Variants in FMN2 observed in about 807,000 individuals in gnomAD.
The protein encoded by FMN2 is formin-2.
A neutral mutation model predicts 142.3 loss-of-function variants in FMN2; 51 were observed. The ratio of observed to expected loss-of-function variants is 0.36; its 90% CI spans 0.29 to 0.45. The LOEUF (loss-of-function observed/expected upper bound fraction) is 0.45. Ranked by LOEUF, FMN2 falls within the 20% of genes least tolerant of loss-of-function variation. The probability of loss-of-function intolerance (pLI) is 1.00; values close to 1 mark genes in which losing one functional copy is unlikely to be tolerated. For synonymous variants in FMN2, 882 were observed against 869.8 expected, an observed-to-expected ratio of 1.01 and a Z score of -0.25; for missense variants, 1,936 against 2,122.8, an observed-to-expected ratio of 0.91 and a Z score of 1.73.
chr1:240,143,234 T>G, intron 2 of FMN2: 1 of 1,588,842 alleles, frequency 6.3e-7, no homozygotes, highest in South Asian at 1.1e-5. Context: ...TATAGGAAAC[T>G]TCTGGATCAG....
intron 8 of FMN2, among the ~76,000 whole-genome samples, chr1:240,305,459 A>G (rs1349399258): frequency 6.6e-6 from 1 of 152,240 alleles, no homozygotes; most frequent in Non-Finnish European, 1.5e-5. Flanking sequence ...AACATGTTGC[A>G]TAATCAAACA....
intron 6 of FMN2, among the ~76,000 whole-genome samples, chr1:240,255,165 G>A (rs955288977): frequency 3.3e-5 from 5 of 152,274 alleles, no homozygotes; most frequent in Middle Eastern, 3.4e-3. Context: ...GCTCCCAGCC[G>A]ATCCTGGCTG....
chr1:240,138,642 G>A (rs919179125), intron 2 of FMN2, among the ~76,000 whole-genome samples: 25 of 152,102 alleles, frequency 1.6e-4, no homozygotes, highest in Admixed American at 2.0e-4. Flanking sequence ...AGGAGCTGGC[G>A]GTTGCAGTGA....
At chr1:240,452,772 T>A (rs1676105560) in intron 16 of FMN2, among the ~76,000 whole-genome samples, 1 of 152,210 alleles carries the variant, frequency 6.6e-6, no homozygotes, top group Admixed American at 6.5e-5. Context: ...GATAACTCAG[T>A]AGCTTTCATT....
chr1:240,140,493 G>A (rs553519682), intron 2 of FMN2, among the ~76,000 whole-genome samples: 2 of 152,242 alleles, frequency 1.3e-5, no homozygotes, highest in African/African-American at 4.8e-5. Context: ...ACAGATCCAC[G>A]CAGGTTGGAA....
intron 8 of FMN2, among the ~76,000 whole-genome samples, chr1:240,296,667 G>A (rs1319477928): frequency 1.4e-5 from 2 of 141,704 alleles, no homozygotes; most frequent in African/African-American, 5.2e-5. Flanking sequence ...CCACTCTTGA[G>A]TTTGGTTTTT....
intron 15 of FMN2, among the ~76,000 whole-genome samples, chr1:240,437,458 G>A (rs1468092754): frequency 6.6e-6 from 1 of 151,840 alleles, no homozygotes; most frequent in African/African-American, 2.4e-5. Context: ...ACCATGCCCG[G>A]CTAATTTTTT....
At chr1:240,245,437 T>C (rs949134812) in intron 6 of FMN2, 3 of 457,014 alleles carry the variant, frequency 6.6e-6, no homozygotes, top group African/African-American at 4.0e-5. Context: ...TCAGTGGAAC[T>C]TGATGTGTGG....
At chr1:240,411,113 A>AGAT (rs1419487126) in intron 15 of FMN2, among the ~76,000 whole-genome samples, 1 of 152,216 alleles carries the variant, frequency 6.6e-6, no homozygotes, top group Non-Finnish European at 1.5e-5. Context: ...GTTGTCTAGA[A>AGAT]GATATACAAT....
intron 6 of FMN2, among the ~76,000 whole-genome samples, chr1:240,218,445 T>G (rs1338316935): frequency 6.6e-6 from 1 of 152,034 alleles, no homozygotes; most frequent in Admixed American, 6.6e-5. Context: ...CGCAGTGGCA[T>G]GTACCTGTAG....
intron 5 of FMN2, among the ~76,000 whole-genome samples, chr1:240,210,770 A>C (rs181685845): frequency 6.0e-4 from 92 of 152,298 alleles, no homozygotes; most frequent in African/African-American, 2.1e-3. Context: ...TTGAGAGATC[A>C]GACATTTCTT....
intron 2 of FMN2, chr1:240,145,274 C>T (rs548539432): frequency 2.8e-5 from 40 of 1,438,768 alleles, no homozygotes; most frequent in Non-Finnish European, 3.0e-5. Context: ...CCCGGCATCC[C>T]GCCGCTCCTT....
At chr1:240,385,193 T>C (rs550759838) in intron 14 of FMN2, among the ~76,000 whole-genome samples, 5 of 152,286 alleles carry the variant, frequency 3.3e-5, no homozygotes, top group African/African-American at 1.2e-4. Flanking sequence ...TCCAGCAGTT[T>C]TGTGTTTTGA....
intron 2 of FMN2, among the ~76,000 whole-genome samples, chr1:240,153,011 T>C (rs1663850112): frequency 6.6e-6 from 1 of 152,192 alleles, no homozygotes; most frequent in South Asian, 2.1e-4. Context: ...TAGAAGAGTT[T>C]TGGTGAGGAT....
intron 4 of FMN2, among the ~76,000 whole-genome samples, chr1:240,195,789 G>A (rs12747809): frequency 0.64 from 97,900 of 151,954 alleles, 31,938 homozygotes; most frequent in Middle Eastern, 0.74. Context: ...AGGCTGAGGT[G>A]GGAGGATCAC....
In FMN2 at chr1:240,148,407, CAG is replaced by C. The variant is rs549748702; in HGVS notation, c.1782+25066_1782+25067del. On this transcript the variant is annotated intron_variant, in intron 2 of 17. Coordinates refer to ENST00000319653, the MANE Select transcript of FMN2 (RefSeq NM_020066.5). ...AAAGACAGAGAGAAAGACAGAGAGA[CAG>C]AGACAGACAGGAAAGATACAGAAAG... 7.5e-5 allele frequency among the ~76,000 whole-genome samples: 11 copies of C among 147,336 alleles called. No homozygotes were observed. In the East Asian group the frequency reaches 1.0e-3, roughly 13 times the overall value.
intron 15 of FMN2, among the ~76,000 whole-genome samples, chr1:240,434,015 G>C (rs1675269841): frequency 6.6e-6 from 1 of 152,162 alleles, no homozygotes; most frequent in Admixed American, 6.5e-5. Context: ...CCATTGCAGA[G>C]AAGTATATTT....
In FMN2 at chr1:240,093,091, G is replaced by T; in HGVS notation, c.982G>T (p.Ala328Ser). ...PSSTAFPFPE[A>S]GPGEEAAGAP... is the part of the protein sequence containing the mutation. The stretch of plus-strand genomic sequence containing the variant: ...CTCCACGGCTTTCCCATTTCCCGAG[G>T]CCGGGCCGGGGGAGGAAGCGGCCGG... Residue 328 changes from alanine to serine, a missense_variant, in exon 1 of 18, where the codon GCC (alanine) becomes TCC (serine). Physicochemically the swap from Ala to Ser is moderately conservative, Grantham distance 99. This residue lies in a region of FMN2 where 751 missense variants were observed against 791.8 expected (regional missense o/e 0.95). Coordinates refer to ENST00000319653, the MANE Select transcript of FMN2 (RefSeq NM_020066.5). 1 of 1,395,726 alleles carries T rather than the reference G, an allele frequency of 7.2e-7. No homozygotes were observed. The allele number at this position is 1,395,726 out of a possible 1,614,324, so 86.5% of individuals were successfully genotyped here. A position where few individuals can be genotyped will look rare whatever the true frequency, so the allele number is the denominator to read the frequency against.
At chr1:240,181,167 G>A (rs1188719478) in intron 3 of FMN2, among the ~76,000 whole-genome samples, 1 of 151,926 alleles carries the variant, frequency 6.6e-6, no homozygotes, top group African/African-American at 2.4e-5. Context: ...ATCATGCCCA[G>A]CTAATTTTTG....
Sources: allele counts gnomAD v4.1 joint callset (sites outside exome capture counted in the v4.1 genomes callset), GRCh38; gene constraint gnomAD v4.1.1; regional missense constraint gnomAD v4.1.1; transcripts MANE v1.5; gene names NCBI Gene and HGNC (gene_info 2026-07-23, HGNC 2026-07-21).